SMG5: variants seen among roughly 807,000 people sequenced by gnomAD.
SMG5 encodes the protein SMG5 nonsense mediated mRNA decay factor.
A neutral mutation model predicts 122.9 loss-of-function variants in SMG5; 53 were observed. The ratio of observed to expected loss-of-function variants is 0.43; its 90% confidence interval spans 0.35 to 0.54. The LOEUF is 0.54. SMG5 is among the 20% of genes least tolerant of loss of function. The pLI is 0.01. For synonymous variants in SMG5, 477 were observed against 490.2 expected, an observed-to-expected ratio of 0.97 and a Z score of 0.35; for missense variants, 1,153 against 1,285.6, an observed-to-expected ratio of 0.90 and a Z score of 1.58.
intron 9 of SMG5, 120 bp downstream of exon 9, chr1:156,267,995 G>C (rs1662232210): frequency 9.7e-7 from 1 of 1,035,970 alleles, no homozygotes; most frequent in Non-Finnish European, 1.5e-6. Flanking sequence ...AGGATGAATT[G>C]GTTACGGATG....
chr1:156,282,858 G>C (rs1240951953), upstream of SMG5: 6 of 630,972 alleles, frequency 9.5e-6, no homozygotes, highest in Non-Finnish European at 1.6e-5. Flanking sequence ...TCTCGCGATG[G>C]CAGCCGCACA....
Position 156,277,998 on chromosome 1 carries a change from C to T in SMG5, c.224G>A (p.Gly75Glu). The change falls in exon 3 of 22, where the codon GGG (glycine) becomes GAG (glutamate). Residue 75 changes from glycine (G) to glutamate (E), a missense_variant. Gly to Glu is a moderately conservative substitution (Grantham distance 98). Coordinates refer to ENST00000361813, the MANE Select transcript of SMG5 (RefSeq NM_015327.3). ...KLMFLHPVDY[G>E]RKAEELLWRK... is the part of the protein sequence containing the mutation. ...CCACAGCAGCTCCTCAGCCTTTCTC[C>T]CATAGTCCACTGGGTGCAGGAACAT... 2 of 1,614,160 alleles carry T rather than the reference C, an allele frequency of 1.2e-6. No individual in the cohort carries two copies. The highest frequency in any genetic ancestry group is 1.1e-5 in the South Asian group (1 of 91,092).
At chr1:156,252,386 A>T (rs1661391606) in intron 19 of SMG5, 28 bp downstream of exon 19, 1 of 1,608,750 alleles carries the variant, frequency 6.2e-7, no homozygotes, top group African/African-American at 1.3e-5. Context: ...CCCAGGGCTC[A>T]GCACAGGTCC....
chr1:156,286,552 G>A (rs180760685), upstream of SMG5: 73 of 1,464,708 alleles, frequency 5.0e-5, no homozygotes, highest in African/African-American at 8.8e-4. Flanking sequence ...TGGAGAGCCA[G>A]GGTCAGGAGC....
intron 7 of SMG5, among the ~76,000 whole-genome samples, chr1:156,271,868 C>T (rs188020562): frequency 1.3e-5 from 2 of 152,212 alleles, no homozygotes; most frequent in East Asian, 3.9e-4. Flanking sequence ...GCTAGGATTA[C>T]AGGTATGAGC....
intron 17 of SMG5, 55 bp from the exon 18 acceptor site, chr1:156,253,133 G>T: frequency 1.3e-6 from 2 of 1,505,536 alleles, no homozygotes; most frequent in Non-Finnish European, 8.9e-7. Flanking sequence ...CAGCCGGGCC[G>T]GGGGAAGAGT....
Position 156,272,417 on chromosome 1 carries a change from C to A in SMG5, c.635-19G>T. ...GGCATTCCTAGGGAGAAAGAGAATT[C>A]ATGCAGTCTAAGGCCACAATACTCA... On this transcript the variant is annotated intron_variant, in intron 6 of 21. Transcript: ENST00000361813. 6.3e-7 allele frequency: 1 copy of A among 1,588,446 alleles called. No homozygotes were observed. Among genetic ancestry groups the A allele is most frequent in the Non-Finnish European group, 8.6e-7 (1 of 1,164,128 alleles).
chr1:156,269,731 C>T (rs1338703611), intron 7 of SMG5, among the ~76,000 whole-genome samples: 2 of 152,076 alleles, frequency 1.3e-5, no homozygotes, highest in South Asian at 2.1e-4. Context: ...AAAAATTAGC[C>T]GGGCGTGTTG....
intron 17 of SMG5, 117 bp downstream of exon 17, chr1:156,253,332 G>T: frequency 9.0e-7 from 1 of 1,108,150 alleles, no homozygotes. Context: ...GGGAGAGGCG[G>T]AGGGACACAG....
intron 7 of SMG5, 62 bp from the exon 8 acceptor site, chr1:156,268,477 G>C: frequency 6.3e-7 from 1 of 1,586,614 alleles, no homozygotes; most frequent in Non-Finnish European, 8.6e-7. Flanking sequence ...ACTCTGCTGG[G>C]GCTTTAGGAA....
upstream of SMG5, chr1:156,285,444 C>G: frequency 1.2e-6 from 2 of 1,613,646 alleles, no homozygotes; most frequent in Non-Finnish European, 1.7e-6. Context: ...GTAAGTGAGG[C>G]TGCCACCTTG....
At chr1:156,268,973 CT>C (rs59194923) in intron 7 of SMG5, among the ~76,000 whole-genome samples, 37,587 of 143,790 alleles carry the variant, frequency 0.26, 4,692 homozygotes, top group Non-Finnish European at 0.29. Context: ...CAATCCAACT[CT>C]TTTTTTTTTT....
intron 15 of SMG5, among the ~76,000 whole-genome samples, chr1:156,260,025 A>C (rs1661748217): frequency 6.6e-6 from 1 of 152,112 alleles, no homozygotes; most frequent in Admixed American, 6.5e-5. Context: ...GTGGTGATGG[A>C]GATTTAAGGG....
chr1:156,257,962 C>G (rs1661656851), intron 16 of SMG5, among the ~76,000 whole-genome samples: 1 of 152,248 alleles, frequency 6.6e-6, no homozygotes. Context: ...CAAGGCTGTG[C>G]AGGCCCCACT....
chr1:156,279,405 A>G (rs1284897488), intron 1 of SMG5, among the ~76,000 whole-genome samples: 1 of 152,298 alleles, frequency 6.6e-6, no homozygotes, highest in South Asian at 2.1e-4. Flanking sequence ...GTCAAAGTAG[A>G]GAAACTGTGA....
rs1663027152 is a variant in SMG5 at position 156,282,781 on chromosome 1, C to CCGGCCCTGCTCGGCCGCCAT, written c.-121_-102dup. ...GCCGTAGCCGCAGCCGCCGCCGCCA[C>CCGGCCCTGCTCGGCCGCCAT]CGGCCCTGCTCGGCCGCCATCGCTG... On this transcript the variant is annotated 5_prime_UTR_variant, in exon 1 of 22. The change creates a new upstream start codon in the 5' untranslated region. Coordinates refer to ENST00000361813, the MANE Select transcript of SMG5 (RefSeq NM_015327.3). The CCGGCCCTGCTCGGCCGCCAT allele has an allele frequency of 1.5e-6, 2 of 1,315,134 alleles. No homozygotes were observed. Among genetic ancestry groups the CCGGCCCTGCTCGGCCGCCAT allele is most frequent in the African/African-American group, 3.0e-5 (2 of 66,882 alleles). The allele number at this position is 1,315,134 out of a possible 1,614,324, so 81.5% of individuals were successfully genotyped here. A position where few individuals can be genotyped will look rare whatever the true frequency, so the allele number is the denominator to read the frequency against.
chr1:156,250,479 C>G lies in SMG5; in HGVS notation c.*108G>C. The G allele has an allele frequency of 1.0e-6, 1 of 956,120 alleles. No individual in the cohort carries two copies. The highest frequency in any genetic ancestry group is 1.7e-6 in the Non-Finnish European group (1 of 597,948). 59.2% of individuals were successfully genotyped at this position (956,120 alleles called of 1,614,324 possible). On this transcript the variant is annotated 3_prime_UTR_variant, in exon 22 of 22. Transcript: ENST00000361813. ...AGCAGCTAGGCCTCCCTCCTGTGTG[C>G]GTGCATGAGTCTGCGTGTGGTGGGG... is the stretch of plus-strand genomic sequence containing the variant.
Position 156,277,243 on chromosome 1 carries a change from T to G in SMG5, c.298-2A>C. On this transcript the variant is annotated splice_acceptor_variant, in intron 3 of 21. Coordinates refer to ENST00000361813, the MANE Select transcript of SMG5 (RefSeq NM_015327.3). LOFTEE classifies it high-confidence loss of function. ...CAAAGTGCTCCGGCTGTGGATGTGC[T>G]ACAGATTGCGAAAGGGAAGGGGCTG... 1 of 1,612,326 alleles carries G rather than the reference T, an allele frequency of 6.2e-7. No homozygotes were observed. Among genetic ancestry groups the G allele is most frequent in the Non-Finnish European group, 8.5e-7 (1 of 1,179,532 alleles).
intron 16 of SMG5, 136 bp from the exon 17 acceptor site, chr1:156,253,644 G>T: frequency 1.3e-6 from 1 of 765,100 alleles, no homozygotes; most frequent in South Asian, 1.4e-5. Context: ...TGCTGAATGA[G>T]GGGAGGAGAG....
Sources: allele counts gnomAD v4.1 joint callset (sites outside exome capture counted in the v4.1 genomes callset), GRCh38; gene constraint gnomAD v4.1.1; transcripts MANE v1.5; gene names NCBI Gene and HGNC (gene_info 2026-07-23, HGNC 2026-07-21).